Variants in CEP128 observed in about 807,000 individuals in gnomAD.
The protein encoded by CEP128 is centrosomal protein 128, also known as centrosomal protein 128kDa.
Under a neutral mutation model 156.7 loss-of-function variants are expected in CEP128, and 132 were observed. That is an observed-to-expected ratio of 0.84 (90% CI 0.73 to 0.97). The LOEUF is 0.97. Ranked by LOEUF, CEP128 falls within the 50% of genes least tolerant of loss-of-function variation. The probability of loss-of-function intolerance (pLI) is 0.00; values close to 1 mark genes in which losing one functional copy is unlikely to be tolerated. For missense variants in CEP128, 1,252 were observed against 1,281.9 expected (o/e 0.98, Z 0.36); for synonymous variants, 469 against 448.9 (o/e 1.04, Z -0.57).
At chr14:80,703,311 C>T (rs921152595) in intron 19 of CEP128, among the ~76,000 whole-genome samples, 1 of 152,180 alleles carries the variant, frequency 6.6e-6, no homozygotes, top group Admixed American at 6.5e-5. Context: ...AATTCTATAG[C>T]ATCTTCCATC....
chr14:80,781,632 G>T (rs947185275), intron 15 of CEP128, among the ~76,000 whole-genome samples: 1 of 142,638 alleles, frequency 7.0e-6, no homozygotes, highest in East Asian at 1.9e-4. Flanking sequence ...GAGAGTATCC[G>T]GGGGGCTAAA....
At chr14:80,851,485 T>C (rs1016259093) in intron 9 of CEP128, among the ~76,000 whole-genome samples, 19 of 152,046 alleles carry the variant, frequency 1.2e-4, no homozygotes, top group Non-Finnish European at 2.4e-4. Flanking sequence ...AGCTGGAACA[T>C]AGATATCTTA....
intron 18 of CEP128, among the ~76,000 whole-genome samples, chr14:80,751,734 A>G (rs1319318401): frequency 1.3e-5 from 2 of 151,260 alleles, no homozygotes; most frequent in African/African-American, 4.9e-5. Context: ...GGTTGAAGCG[A>G]TTCTCCTGCC....
At chr14:80,828,725 G>T (rs2140032838) in intron 13 of CEP128, among the ~76,000 whole-genome samples, 1 of 152,248 alleles carries the variant, frequency 6.6e-6, no homozygotes, top group South Asian at 2.1e-4. Context: ...CACATATGAG[G>T]TTCTGTAGGA....
rs1900913231 is a variant in CEP128, at chr14:80,778,306, G to C, written c.2212-260C>G. On this transcript the variant is annotated intron_variant, in intron 15 of 24. Transcript: ENST00000555265. ...ACAGATATGAATAGTAAGAGAGTCA[G>C]ATGCAACAATCTATTTGACAACACT... is the stretch of plus-strand genomic sequence containing the variant. Among the ~76,000 whole-genome samples, 3 of 152,292 alleles carry C rather than the reference G, an allele frequency of 2.0e-5. No individual in the cohort carries two copies. The South Asian group carries it at 6.2e-4, about 32-fold the overall frequency.
At chr14:80,743,799 A>T (rs1898955928) in intron 18 of CEP128, among the ~76,000 whole-genome samples, 1 of 152,042 alleles carries the variant, frequency 6.6e-6, no homozygotes, top group Non-Finnish European at 1.5e-5. Flanking sequence ...AAGGAAAGTG[A>T]ATTCTGGCAA....
At chr14:80,500,415 C>G (rs1887681030) in intron 24 of CEP128, among the ~76,000 whole-genome samples, 1 of 152,188 alleles carries the variant, frequency 6.6e-6, no homozygotes, top group Non-Finnish European at 1.5e-5. Flanking sequence ...CCCTATATCT[C>G]TATACAGATC....
At chr14:80,622,723 G>A (rs1893536120) in intron 19 of CEP128, among the ~76,000 whole-genome samples, 1 of 150,552 alleles carries the variant, frequency 6.6e-6, no homozygotes, top group Admixed American at 6.6e-5. Context: ...CACCATCACT[G>A]GCCATCAGAG....
intron 23 of CEP128, among the ~76,000 whole-genome samples, chr14:80,524,440 T>G (rs552606924): frequency 3.3e-5 from 5 of 152,324 alleles, no homozygotes; most frequent in African/African-American, 1.2e-4. Context: ...CTTCAGGATG[T>G]CAGTGATGTA....
At chr14:80,558,095 T>G (rs1202992720) in intron 21 of CEP128, among the ~76,000 whole-genome samples, 1 of 152,188 alleles carries the variant, frequency 6.6e-6, no homozygotes, top group Non-Finnish European at 1.5e-5. Context: ...CTTATGTAAC[T>G]GATCACTGTT....
At chr14:80,777,145 A>G (rs185762695) in intron 16 of CEP128, among the ~76,000 whole-genome samples, 1 of 152,356 alleles carries the variant, frequency 6.6e-6, no homozygotes, top group Admixed American at 6.5e-5. Context: ...TAATTGCTAC[A>G]GACTGAATGT....
chr14:80,557,661 T>C (rs1294085664), intron 21 of CEP128, among the ~76,000 whole-genome samples: 2 of 152,206 alleles, frequency 1.3e-5, no homozygotes, highest in Admixed American at 6.5e-5. Flanking sequence ...AATGGCCCAG[T>C]GAAATCTCAG....
rs1411705910 is a variant in CEP128 at position 80,828,165 on chromosome 14, C to T, written c.1209+2978G>A. Among the ~76,000 whole-genome samples the T allele has an allele frequency of 2.0e-5, 3 of 148,810 alleles. No homozygotes were observed. The South Asian group carries it at 6.4e-4, about 32-fold the overall frequency. On this transcript the variant is annotated intron_variant, in intron 13 of 24. Transcript: ENST00000555265. The stretch of plus-strand genomic sequence containing the variant: ...TTGAGATGGAGTCTCACTCTGTCGC[C>T]CATTCTGGAGTGCAGTGGTGCGATC...
intron 19 of CEP128, among the ~76,000 whole-genome samples, chr14:80,601,240 G>A (rs1358680689): frequency 1.3e-5 from 2 of 152,164 alleles, no homozygotes; most frequent in Admixed American, 6.5e-5. Context: ...TTCCTTGTAA[G>A]TATATAAGTC....
intron 21 of CEP128, among the ~76,000 whole-genome samples, chr14:80,545,921 T>A (rs1889965151): frequency 6.6e-6 from 1 of 152,214 alleles, no homozygotes; most frequent in African/African-American, 2.4e-5. Flanking sequence ...CTACCCCGGG[T>A]CAACTGAATC....
At chr14:80,582,729 C>T (rs1485050564) in intron 19 of CEP128, among the ~76,000 whole-genome samples, 1 of 152,102 alleles carries the variant, frequency 6.6e-6, no homozygotes, top group Non-Finnish European at 1.5e-5. Context: ...TCTACACCAT[C>T]TGGTTTCAGT....
intron 2 of CEP128, among the ~76,000 whole-genome samples, chr14:80,934,448 C>T (rs1003590743): frequency 1.1e-4 from 16 of 152,136 alleles, no homozygotes; most frequent in Non-Finnish European, 1.6e-4. Flanking sequence ...GAGGTACAAA[C>T]GCGAGAACCA....
intron 8 of CEP128, among the ~76,000 whole-genome samples, chr14:80,880,631 C>T (rs570789765): frequency 1.1e-4 from 16 of 151,252 alleles, no homozygotes; most frequent in South Asian, 4.2e-4. Context: ...CCAAGGTGGG[C>T]GGATCACGAG....
At chr14:80,613,607 C>A (rs538428884) in intron 19 of CEP128, among the ~76,000 whole-genome samples, 70 of 152,044 alleles carry the variant, frequency 4.6e-4, no homozygotes, top group African/African-American at 1.4e-3. Flanking sequence ...CCGCGCCTGG[C>A]CGGAGAACAT....
Sources: gnomAD v4.1 joint callset for allele counts (sites outside exome capture counted in the v4.1 genomes callset) on GRCh38, gnomAD v4.1.1 for gene constraint, MANE v1.5 for transcripts, NCBI Gene and HGNC (gene_info 2026-07-23, HGNC 2026-07-21) for gene names.